EDNRB: variants seen among roughly 807,000 people sequenced by gnomAD.
EDNRB encodes Hirschsprung disease 2.
EDNRB carries 18 observed loss-of-function variants against 46.4 expected under a neutral mutation model. That is an observed-to-expected ratio of 0.39 (90% CI 0.27 to 0.57). EDNRB has a LOEUF of 0.57. Among genes scored for constraint, EDNRB ranks in the 20% least tolerant of loss-of-function variants. EDNRB has a pLI of 0.61. For missense variants in EDNRB, 434 were observed against 537.5 expected, an observed-to-expected ratio of 0.81 and a Z score of 1.90; for synonymous variants, 213 against 204.9, an observed-to-expected ratio of 1.04 and a Z score of -0.34.
rs1322162786 is a variant in EDNRB at position 77,903,623 on chromosome 13, A to G, written c.484-16T>C. 6.2e-7 allele frequency: 1 copy of G among 1,610,284 alleles called. No individual in the cohort carries two copies. The highest frequency in any genetic ancestry group is 2.2e-5 in the East Asian group (1 of 44,800). Reference sequence around the variant, plus strand: ...CTGCCAGCAGCTGCATTGAGAAGACACGAAGCTCTGTTAGGGGGTTTCATA... The same window carrying G: ...CTGCCAGCAGCTGCATTGAGAAGACGCGAAGCTCTGTTAGGGGGTTTCATA... On this transcript the variant is annotated splice_polypyrimidine_tract_variant and intron_variant, in intron 1 of 6. Transcript: ENST00000646607.
chr13:77,973,251 T>C (rs559894720), intron 1 of EDNRB, among the ~76,000 whole-genome samples: 2 of 152,342 alleles, frequency 1.3e-5, no homozygotes, highest in Non-Finnish European at 2.9e-5. Flanking sequence ...CATTTAACAA[T>C]GCTTCCTGTA....
chr13:77,900,260 C>T (rs1373252230), intron 5 of EDNRB, among the ~76,000 whole-genome samples: 3 of 151,762 alleles, frequency 2.0e-5, no homozygotes, highest in Admixed American at 6.6e-5. Flanking sequence ...ATTTAGAAAA[C>T]GCGTTGGAGA....
chr13:77,897,499 T>A lies in EDNRB; in HGVS notation c.*701A>T. 2 of 979,336 alleles carry A rather than the reference T, an allele frequency of 2.0e-6. No homozygotes were observed. The highest frequency in any genetic ancestry group is 4.7e-5 in the South Asian group (1 of 21,164). The allele number at this position is 979,336 out of a possible 1,614,324, so 60.7% of individuals were successfully genotyped here. Reference sequence around the variant, plus strand: ...AAAAGTATTATATTTTAAATTCAGCTGGCACATGTGCCAGTCTGTTACATG... The same window carrying A: ...AAAAGTATTATATTTTAAATTCAGCAGGCACATGTGCCAGTCTGTTACATG... On this transcript the variant is annotated 3_prime_UTR_variant, in exon 7 of 7. Transcript: ENST00000646607.
At chr13:77,968,014 T>G (rs1881628041) in intron 1 of EDNRB, among the ~76,000 whole-genome samples, 1 of 152,152 alleles carries the variant, frequency 6.6e-6, no homozygotes, top group African/African-American at 2.4e-5. Context: ...CCATGAACAG[T>G]TTAAGTTTAT....
chr13:77,952,276 T>C (rs1479373578), intron 1 of EDNRB, among the ~76,000 whole-genome samples: 1 of 152,208 alleles, frequency 6.6e-6, no homozygotes, highest in Non-Finnish European at 1.5e-5. Context: ...TGTGCTCTGC[T>C]ACAAGGGTTT....
chr13:77,921,267 C>T (rs1880079642), upstream of EDNRB, among the ~76,000 whole-genome samples: 1 of 152,144 alleles, frequency 6.6e-6, no homozygotes, highest in Non-Finnish European at 1.5e-5. Context: ...TTCAGTTATA[C>T]TTTATTAACT....
chr13:77,933,299 C>A (rs182770967), intron 1 of EDNRB, among the ~76,000 whole-genome samples: 6 of 152,228 alleles, frequency 3.9e-5, no homozygotes, highest in Non-Finnish European at 7.4e-5. Flanking sequence ...TGGGTGCAGG[C>A]AGGCTGAGTC....
At chr13:77,906,705 CA>C (rs1879298819) in intron 1 of EDNRB, among the ~76,000 whole-genome samples, 1 of 152,014 alleles carries the variant, frequency 6.6e-6, no homozygotes, top group South Asian at 2.1e-4. Context: ...ACTGCATCCC[CA>C]GCCAGTATTT....
intron 1 of EDNRB, among the ~76,000 whole-genome samples, chr13:77,969,549 A>G (rs766649369): frequency 4.0e-4 from 61 of 152,206 alleles, no homozygotes; most frequent in Non-Finnish European, 7.5e-4. Context: ...AGTGACAATT[A>G]TGCATTGTGC....
chr13:77,958,668 C>T (rs1048863185), intron 1 of EDNRB, among the ~76,000 whole-genome samples: 1 of 152,202 alleles, frequency 6.6e-6, no homozygotes, highest in Non-Finnish European at 1.5e-5. Flanking sequence ...GCCACTGCCC[C>T]CAGCCCCCAG....
At chr13:77,902,585 G>C (rs12720189) in intron 3 of EDNRB, among the ~76,000 whole-genome samples, 1 of 151,578 alleles carries the variant, frequency 6.6e-6, no homozygotes, top group South Asian at 2.1e-4. Flanking sequence ...TGTCCTTCCC[G>C]CTGAAACTAC....
At chr13:77,957,796 C>T (rs943757208) in intron 1 of EDNRB, among the ~76,000 whole-genome samples, 5 of 152,214 alleles carry the variant, frequency 3.3e-5, no homozygotes, top group African/African-American at 1.2e-4. Flanking sequence ...TATTTCACAG[C>T]ATTCACGACT....
At chr13:77,936,017 A>G (rs13378232) in intron 1 of EDNRB, among the ~76,000 whole-genome samples, 9,623 of 152,268 alleles carry the variant, frequency 0.063, 380 homozygotes, top group Middle Eastern at 0.13. Context: ...CCATGCTATA[A>G]CAGGTGAGTG....
chr13:77,929,702 T>A (rs534105100), intron 1 of EDNRB, among the ~76,000 whole-genome samples: 25 of 152,270 alleles, frequency 1.6e-4, no homozygotes, highest in African/African-American at 5.5e-4. Flanking sequence ...ATCATGCCCT[T>A]TTGCAAGGAA....
intron 1 of EDNRB, among the ~76,000 whole-genome samples, chr13:77,914,094 A>T (rs1344350410): frequency 2.0e-5 from 3 of 152,238 alleles, no homozygotes; most frequent in Admixed American, 6.5e-5. Flanking sequence ...TACCAAGAGT[A>T]CAAGAATAAC....
upstream of EDNRB, chr13:77,919,124 GC>G: frequency 2.0e-6 from 1 of 498,382 alleles, no homozygotes; most frequent in Non-Finnish European, 3.3e-6. Flanking sequence ...TCCCTGGCTG[GC>G]TGAGCTACAG....
At chr13:77,966,427 G>C (rs749495365) in intron 1 of EDNRB, among the ~76,000 whole-genome samples, 5 of 152,044 alleles carry the variant, frequency 3.3e-5, no homozygotes, top group Non-Finnish European at 7.3e-5. Context: ...CCCTCCTACT[G>C]TCTGTCTACA....
At chr13:77,902,787 C>A (rs1657892987) in intron 3 of EDNRB, among the ~76,000 whole-genome samples, 1 of 151,992 alleles carries the variant, frequency 6.6e-6, no homozygotes, top group Non-Finnish European at 1.5e-5. Flanking sequence ...GAGACACAAC[C>A]TTCTATAGAA....
upstream of EDNRB, chr13:77,918,845 A>G: frequency 7.7e-7 from 1 of 1,300,282 alleles, no homozygotes; most frequent in Non-Finnish European, 9.7e-7. This position sits in a 1 kb window ranked among gnomAD's most constrained non-coding sequence, Gnocchi z 4.5. Flanking sequence ...CCGCGTGGCC[A>G]GGAGGGGTAA....
Sources: allele counts gnomAD v4.1 joint callset (sites outside exome capture counted in the v4.1 genomes callset), GRCh38; gene constraint gnomAD v4.1.1; non-coding constraint Gnocchi (gnomAD v3.1); transcripts MANE v1.5; gene names NCBI Gene and HGNC (gene_info 2026-07-23, HGNC 2026-07-21).